NTF3: variants seen among roughly 807,000 people sequenced by gnomAD.
NTF3 encodes the protein neurotrophin 3.
NTF3 carries 8 observed loss-of-function variants against 26.3 expected under a neutral mutation model. The observed-to-expected ratio is 0.30, with a 90% CI of 0.18 to 0.55. NTF3 has a LOEUF of 0.55. Among genes scored for constraint, NTF3 ranks in the 20% least tolerant of loss-of-function variants. The pLI, the probability that NTF3 is intolerant of heterozygous loss-of-function variation, is 0.93. For missense variants in NTF3, 276 were observed against 352.9 expected (o/e 0.78, Z 1.75); for synonymous variants, 154 against 145.5 (o/e 1.06, Z -0.42).
intron 1 of NTF3, among the ~76,000 whole-genome samples, chr12:5,444,417 A>C (rs1430562745): frequency 1.3e-5 from 2 of 152,198 alleles, no homozygotes; most frequent in Non-Finnish European, 2.9e-5. Flanking sequence ...TATGGAGCCA[A>C]ACAACCCTGG....
intron 1 of NTF3, among the ~76,000 whole-genome samples, chr12:5,476,613 T>C (rs997502780): frequency 3.3e-5 from 5 of 152,096 alleles, no homozygotes; most frequent in Non-Finnish European, 5.9e-5. Flanking sequence ...GCTGGAGTGG[T>C]GGATCATGAG....
chr12:5,466,204 G>A (rs146270824), intron 1 of NTF3, among the ~76,000 whole-genome samples: 1 of 152,302 alleles, frequency 6.6e-6, no homozygotes, highest in African/African-American at 2.4e-5. Context: ...ATCCTTGGGA[G>A]AGGCCAGCTC....
At position 5,494,054 on chromosome 12, in the gene NTF3, AG is replaced by A. The variant is rs774901188; in HGVS notation, c.19-136del. 4.4e-6 allele frequency: 3 copies of A among 688,420 alleles called. No individual in the cohort carries two copies. Among genetic ancestry groups the A allele is most frequent in the Non-Finnish European group, 7.3e-6 (3 of 412,062 alleles). The allele number at this position is 688,420 out of a possible 1,614,324, so 42.6% of individuals were successfully genotyped here. On this transcript the variant is annotated intron_variant, in intron 1 of 1. Transcript: ENST00000423158. The surrounding 1 kb of genome is among the most constrained non-coding windows in gnomAD (Gnocchi z 8.3). Reference sequence around the variant, plus strand: ...GAAATCACCTCTTCAGAATGTCCAGAGGGGAGTTGCCTTGCTTACCTGGGGG... The same window carrying A: ...GAAATCACCTCTTCAGAATGTCCAGAGGGAGTTGCCTTGCTTACCTGGGGG...
At chr12:5,438,636 T>C (rs1324852239) in intron 1 of NTF3, among the ~76,000 whole-genome samples, 2 of 152,234 alleles carry the variant, frequency 1.3e-5, no homozygotes, top group Middle Eastern at 3.2e-3. Flanking sequence ...CCAGAGATTT[T>C]GGAGGAAACA....
chr12:5,494,072 A>T lies in NTF3; in HGVS notation c.19-122A>T. On this transcript the variant is annotated intron_variant, in intron 1 of 1. Transcript: ENST00000423158. The surrounding 1 kb of genome is among the most constrained non-coding windows in gnomAD (Gnocchi z 8.3). ...TGTCCAGAGGGGAGTTGCCTTGCTT[A>T]CCTGGGGGGCGGTACCCTCTCTCGT... 1 of 845,258 alleles carries T rather than the reference A, an allele frequency of 1.2e-6. No homozygotes were observed. Among genetic ancestry groups the T allele is most frequent in the Non-Finnish European group, 1.8e-6 (1 of 548,928 alleles). 52.4% of individuals were successfully genotyped at this position (845,258 alleles called of 1,614,324 possible).
At chr12:5,477,195 G>A (rs889128795) in intron 1 of NTF3, among the ~76,000 whole-genome samples, 45 of 152,312 alleles carry the variant, frequency 3.0e-4, no homozygotes, top group Admixed American at 2.4e-3. Context: ...GTTTGAGAAC[G>A]TGGGTTTTGA....
At chr12:5,462,183 A>G (rs1940533434) in intron 1 of NTF3, among the ~76,000 whole-genome samples, 2 of 141,816 alleles carry the variant, frequency 1.4e-5, no homozygotes, top group Non-Finnish European at 3.0e-5. Context: ...AGACATCACT[A>G]ATCAATCACA....
intron 1 of NTF3, among the ~76,000 whole-genome samples, chr12:5,459,435 G>A (rs1316926819): frequency 6.6e-6 from 1 of 152,180 alleles, no homozygotes; most frequent in East Asian, 1.9e-4. Context: ...TTGCTCCCCT[G>A]CTAGAGTGAC....
intron 1 of NTF3, among the ~76,000 whole-genome samples, chr12:5,434,863 G>A (rs901830303): frequency 2.6e-5 from 4 of 152,026 alleles, no homozygotes; most frequent in African/African-American, 7.3e-5. Context: ...TGAGGAGCAC[G>A]GGGTTTGAAC....
chr12:5,486,809 T>C (rs913253107), intron 1 of NTF3, among the ~76,000 whole-genome samples: 1 of 152,128 alleles, frequency 6.6e-6, no homozygotes, highest in East Asian at 1.9e-4. Flanking sequence ...GAAAATAGTT[T>C]CAAATTTTTC....
upstream of NTF3, among the ~76,000 whole-genome samples, chr12:5,430,584 T>C (rs1940072202): frequency 7.1e-6 from 1 of 141,134 alleles, no homozygotes; most frequent in African/African-American, 2.7e-5. Context: ...GCCCCCAGAC[T>C]CCCCCCTCCC....
In NTF3 at chr12:5,448,715, C is replaced by A. The variant is rs1370373669; in HGVS notation, c.18+16373C>A. Among the ~76,000 whole-genome samples, 10 of 152,274 alleles carry A rather than the reference C, an allele frequency of 6.6e-5. No homozygotes were observed. The East Asian group carries it at 1.4e-3, about 21-fold the overall frequency. On this transcript the variant is annotated intron_variant, in intron 1 of 1. Coordinates refer to ENST00000423158, the MANE Select transcript of NTF3 (RefSeq NM_001102654.2). ...AATCAAAGCCCCAGAAGGAAGCTAT[C>A]GCATTGTTCTTGGATTCCTAAGCCT...
chr12:5,495,018 T>G lies in NTF3; in HGVS notation c.*30T>G. On this transcript the variant is annotated 3_prime_UTR_variant, in exon 2 of 2. Transcript: ENST00000423158. ...GCATCTCTCCCCATATATAAATTAT[T>G]ACTTTAAATTATATGATATGCATGT... The G allele has an allele frequency of 6.4e-7, 1 of 1,558,602 alleles. No individual in the cohort carries two copies. Among genetic ancestry groups the G allele is most frequent in the African/African-American group, 1.4e-5 (1 of 72,898 alleles).
Position 5,433,506 on chromosome 12 carries a change from G to T in NTF3, c.18+1164G>T, listed in dbSNP as rs1169862750. Among the ~76,000 whole-genome samples, 3 of 151,870 alleles carry T rather than the reference G, an allele frequency of 2.0e-5. No individual in the cohort carries two copies. The highest frequency in any genetic ancestry group is 4.8e-5 in the African/African-American group (2 of 41,436). The stretch of plus-strand genomic sequence containing the variant: ...AGTAGGATTCTGCTTGTTGCTCTCC[G>T]CGGGAGTGGGTGCGCGTCCAGGAGG... On this transcript the variant is annotated intron_variant, in intron 1 of 1. Coordinates refer to ENST00000423158, the MANE Select transcript of NTF3 (RefSeq NM_001102654.2). The surrounding 1 kb of genome is among the most constrained non-coding windows in gnomAD (Gnocchi z 4.6).
At chr12:5,473,442 G>T (rs1351619169) in intron 1 of NTF3, among the ~76,000 whole-genome samples, 1 of 152,206 alleles carries the variant, frequency 6.6e-6, no homozygotes, top group East Asian at 1.9e-4. Context: ...TGGCTAAGGG[G>T]CATTTTGTCC....
At chr12:5,480,767 C>T (rs1473925741) in intron 1 of NTF3, among the ~76,000 whole-genome samples, 1 of 146,472 alleles carries the variant, frequency 6.8e-6, no homozygotes, top group Non-Finnish European at 1.5e-5. Flanking sequence ...AACGTGTTAT[C>T]CGGAAGGGTT....
chr12:5,483,828 G>A (rs960302191), intron 1 of NTF3, among the ~76,000 whole-genome samples: 2 of 152,242 alleles, frequency 1.3e-5, no homozygotes, highest in African/African-American at 4.8e-5. Context: ...TGGAAGTGAA[G>A]TCACCCAGAG....
At chr12:5,469,687 G>A (rs770078367) in intron 1 of NTF3, among the ~76,000 whole-genome samples, 2 of 152,056 alleles carry the variant, frequency 1.3e-5, no homozygotes, top group Non-Finnish European at 2.9e-5. Context: ...CAGATCTTAG[G>A]GAATGTGTCT....
At chr12:5,463,107 AAGACAATATT>A (rs1940543553) in intron 1 of NTF3, among the ~76,000 whole-genome samples, 1 of 152,158 alleles carries the variant, frequency 6.6e-6, no homozygotes, top group Non-Finnish European at 1.5e-5. Context: ...TGCCTTCTTC[AAGACAATATT>A]AGACTAGCAT....
Sources: allele counts gnomAD v4.1 joint callset (sites outside exome capture counted in the v4.1 genomes callset), GRCh38; gene constraint gnomAD v4.1.1; non-coding constraint Gnocchi (gnomAD v3.1); transcripts MANE v1.5; gene names NCBI Gene and HGNC (gene_info 2026-07-23, HGNC 2026-07-21).